KLHL13: variants seen among roughly 807,000 people sequenced by gnomAD.
KLHL13 encodes kelch like family member 13.
In KLHL13, 10 loss-of-function variants were observed where a neutral mutation model predicts 37.1. The ratio of observed to expected loss-of-function variants is 0.27; its 90% CI spans 0.17 to 0.46. KLHL13 has a LOEUF of 0.46. Among genes scored for constraint, KLHL13 ranks in the 20% least tolerant of loss-of-function variants. The pLI, the probability that KLHL13 is intolerant of heterozygous loss-of-function variation, is 1.00. For missense variants in KLHL13, 360 were observed against 509.3 expected (o/e 0.71, Z 2.82); for synonymous variants, 163 against 181.2 (o/e 0.90, Z 0.81).
At chrX:117,898,599 C>A (rs1929879088) in exon 7 of KLHL13, 3 of 194,781 alleles carry the variant, frequency 1.5e-5, no homozygotes, top group Non-Finnish European at 2.8e-5. Context: ...TGTAAGATGA[C>A]AAATACCTTA....
chrX:118,117,291 C>G (rs1195709857), upstream of KLHL13: 1 of 112,304 alleles, frequency 8.9e-6, no homozygotes, highest in Non-Finnish European at 1.9e-5. Context: ...GTGGGGCCCA[C>G]GTCTCAAAAT....
chrX:118,068,325 A>C (rs1291838871), intron 1 of KLHL13, among the ~76,000 whole-genome samples: 1 of 111,453 alleles, frequency 9.0e-6, no homozygotes, highest in Non-Finnish European at 1.9e-5. Context: ...AGACAAGCAA[A>C]ACAACAAATA....
chrX:117,898,849 A>G, exon 7 of KLHL13: 1 of 1,112,482 alleles, frequency 9.0e-7, no homozygotes, highest in Non-Finnish European at 1.2e-6. Context: ...GGGAAAAAGA[A>G]GAGAATTTAT....
At chrX:117,987,779 A>C (rs16994957) in intron 1 of KLHL13, among the ~76,000 whole-genome samples, 2,021 of 112,234 alleles carry the variant, frequency 0.018, 43 homozygotes, top group African/African-American at 0.061. Flanking sequence ...TCAATGACTT[A>C]AAGCATTCCC....
intron 1 of KLHL13, among the ~76,000 whole-genome samples, chrX:118,073,308 C>G (rs757044616): frequency 9.0e-6 from 1 of 111,145 alleles, no homozygotes; most frequent in South Asian, 3.8e-4. Context: ...TCACATCATA[C>G]ATGGATGGCA....
upstream of KLHL13, among the ~76,000 whole-genome samples, chrX:117,977,238 G>A (rs2053606362): frequency 8.9e-6 from 1 of 111,954 alleles, no homozygotes; most frequent in African/African-American, 3.2e-5. Context: ...TAAAAGAAAA[G>A]CTGTGCATGA....
chrX:118,092,362 T>A (rs2055147082), intron 1 of KLHL13, among the ~76,000 whole-genome samples: 1 of 111,274 alleles, frequency 9.0e-6, no homozygotes, highest in Non-Finnish European at 1.9e-5. Context: ...AGATTTTTCA[T>A]CAGAAACCAT....
intron 1 of KLHL13, among the ~76,000 whole-genome samples, chrX:118,094,544 A>G (rs1228060149): frequency 1.8e-5 from 2 of 110,848 alleles, no homozygotes; most frequent in African/African-American, 6.6e-5. Flanking sequence ...AGAGAACGTC[A>G]CAAAGATACT....
At chrX:118,002,600 A>C (rs778910269) in intron 1 of KLHL13, among the ~76,000 whole-genome samples, 1 of 50,617 alleles carries the variant, frequency 2.0e-5, no homozygotes, top group African/African-American at 1.3e-4. Context: ...TCTCGAAAAT[A>C]AATAAATAAA....
At chrX:118,100,299 A>G (rs143677267) in intron 1 of KLHL13, among the ~76,000 whole-genome samples, 1,835 of 111,499 alleles carry the variant, frequency 0.016, 37 homozygotes, top group African/African-American at 0.056. Context: ...AGCTGCTACC[A>G]CGTTCTCAGT....
chrX:117,986,325 C>G (rs1447850158), intron 1 of KLHL13, among the ~76,000 whole-genome samples: 1 of 111,510 alleles, frequency 9.0e-6, no homozygotes, highest in African/African-American at 3.3e-5. Flanking sequence ...TTGCAGGGAT[C>G]AGCAAATTCT....
intron 1 of KLHL13, among the ~76,000 whole-genome samples, chrX:118,077,323 T>C (rs2054939569): frequency 9.1e-6 from 1 of 110,227 alleles, no homozygotes; most frequent in South Asian, 3.8e-4. Flanking sequence ...AAGTAATTAC[T>C]TCTGCTTGGG....
At chrX:118,083,886 A>G (rs2055024871) in intron 1 of KLHL13, among the ~76,000 whole-genome samples, 1 of 112,114 alleles carries the variant, frequency 8.9e-6, no homozygotes, top group African/African-American at 3.2e-5. Flanking sequence ...CTGTTTTAAA[A>G]GGCTAAAAAT....
chrX:118,112,661 A>C (rs1020420260), intron 1 of KLHL13, among the ~76,000 whole-genome samples: 1 of 111,873 alleles, frequency 8.9e-6, no homozygotes, highest in Non-Finnish European at 1.9e-5. Flanking sequence ...AATCAAGTTG[A>C]CCCTGCAGGC....
chrX:118,113,937 T>C lies in KLHL13; in HGVS notation c.-56+2571A>G, dbSNP rs5910292. 4.5e-3 allele frequency among the ~76,000 whole-genome samples: 509 copies of C among 112,323 alleles called. 1 individual carries two copies. The highest frequency in any genetic ancestry group is 8.1e-3 in the Non-Finnish European group (430 of 53,264). On this transcript the variant is annotated intron_variant, in intron 1 of 6. Coordinates refer to the KLHL13 transcript ENST00000371882. Reference sequence around the variant, plus strand: ...TAAAATGAATTAGTAAATGAATGAATGATACATAAAAACCTGATTGTTATG... The same window carrying C: ...TAAAATGAATTAGTAAATGAATGAACGATACATAAAAACCTGATTGTTATG...
intron 1 of KLHL13, among the ~76,000 whole-genome samples, chrX:118,009,030 A>G (rs2054022863): frequency 8.9e-6 from 1 of 111,835 alleles, no homozygotes; most frequent in Non-Finnish European, 1.9e-5. Flanking sequence ...TAACAACACC[A>G]AAATATAAGA....
In KLHL13 at chrX:118,003,184, G is replaced by A. The variant is rs1039332921; in HGVS notation, c.-55-57609C>T. On this transcript the variant is annotated intron_variant, in intron 1 of 6. Transcript: ENST00000371882. ...CCTAAATAACCAGGAATAGGTTACT[G>A]TGCAATAGGTTTTTAAAATACCTCT... 4.3e-4 allele frequency among the ~76,000 whole-genome samples: 48 copies of A among 112,349 alleles called. 1 individual carries two copies. In the Admixed American group the frequency reaches 4.4e-3, roughly 10 times the overall value.
At chrX:117,903,723 A>G (rs530277396) in intron 5 of KLHL13, among the ~76,000 whole-genome samples, 20 of 111,252 alleles carry the variant, frequency 1.8e-4, no homozygotes, top group Middle Eastern at 4.7e-3. Flanking sequence ...AGCTTTTAGA[A>G]GTAATTAAAC....
At chrX:117,920,469 T>A (rs1931629780) in intron 2 of KLHL13, 99 bp from the exon 4 acceptor site, 6 of 860,699 alleles carry the variant, frequency 7.0e-6, no homozygotes, top group Non-Finnish European at 9.8e-6. Flanking sequence ...GTGCAACATA[T>A]GTGGAACATA....
Sources: allele counts gnomAD v4.1 joint callset (sites outside exome capture counted in the v4.1 genomes callset), GRCh38; gene constraint gnomAD v4.1.1; transcripts MANE v1.5; gene names NCBI Gene and HGNC (gene_info 2026-07-23, HGNC 2026-07-21).